Variants in OR6N1 observed in about 807,000 individuals in gnomAD.
OR6N1 encodes the protein olfactory receptor 6N1.
For missense variants in OR6N1, 394 were observed against 371.7 expected, an observed-to-expected ratio of 1.06 and a Z score of -0.49; for synonymous variants, 170 against 150.7, an observed-to-expected ratio of 1.13 and a Z score of -0.94.
chr1:158,814,672 C>T, the OR6N1 span, among the ~76,000 whole-genome samples: 43 of 152,140 alleles, frequency 2.8e-4, no homozygotes, highest in Admixed American at 5.2e-4. Flanking sequence ...GCACTAATCT[C>T]ATTCATAAGG....
the OR6N1 span, among the ~76,000 whole-genome samples, chr1:158,825,011 G>T: frequency 1.2e-4 from 18 of 152,284 alleles, no homozygotes; most frequent in South Asian, 8.3e-4. Context: ...AAAAGAAACT[G>T]TCAACAGAGT....
the OR6N1 span, among the ~76,000 whole-genome samples, chr1:158,840,206 T>A: frequency 6.6e-6 from 1 of 152,152 alleles, no homozygotes; most frequent in South Asian, 2.1e-4. Flanking sequence ...TAAAGTGAGA[T>A]GAATAAGGAA....
At chr1:158,777,779 T>C in the OR6N1 span, 1 of 597,206 alleles carries the variant, frequency 1.7e-6, no homozygotes, top group Admixed American at 3.1e-5. Flanking sequence ...ACTATTACTA[T>C]TACTGTAAAA....
the OR6N1 span, among the ~76,000 whole-genome samples, chr1:158,795,460 T>A: frequency 6.6e-6 from 1 of 152,278 alleles, no homozygotes; most frequent in East Asian, 1.9e-4. Context: ...GGTTCACCCC[T>A]ACTCAGATTA....
At chr1:158,819,529 A>T in the OR6N1 span, among the ~76,000 whole-genome samples, 5 of 152,194 alleles carry the variant, frequency 3.3e-5, no homozygotes, top group African/African-American at 1.2e-4. Flanking sequence ...AAAAGCATCA[A>T]GAGAAGCAGG....
the OR6N1 span, among the ~76,000 whole-genome samples, chr1:158,807,442 G>A: frequency 1.3e-5 from 2 of 152,140 alleles, no homozygotes; most frequent in Non-Finnish European, 2.9e-5. Context: ...ACTCTAGCAG[G>A]TACTTGGCCC....
Position 158,766,356 on chromosome 1 carries a change from C to A in OR6N1, c.327G>T (p.Ala109=), listed in dbSNP as rs200953910. ...LQIYFFHSLG[A]TECYLLTAMA... ...TAGCTGTCAGGAGATAGCACTCAGT[C>A]GCTCCAAGGGAGTGAAAGAAATAGA... The change falls in exon 2 of 2, where the codon GCG becomes GCT. Residue 109 remains alanine (A), a synonymous_variant. Transcript: ENST00000641846. 2.5e-6 allele frequency: 4 copies of A among 1,613,874 alleles called. No homozygotes were observed. The African/African-American group carries it at 4.0e-5, about 16-fold the overall frequency.
upstream of OR6N1, among the ~76,000 whole-genome samples, chr1:158,772,606 G>A (rs1022446898): frequency 2.0e-5 from 3 of 152,080 alleles, no homozygotes; most frequent in Non-Finnish European, 2.9e-5. Flanking sequence ...GAGACACTGG[G>A]GACATAAATA....
chr1:158,817,319 C>T, the OR6N1 span, among the ~76,000 whole-genome samples: 1 of 152,182 alleles, frequency 6.6e-6, no homozygotes, highest in Non-Finnish European at 1.5e-5. Context: ...TGTCTTTTGG[C>T]AGGTCACGTT....
At chr1:158,789,907 TGC>T in the OR6N1 span, among the ~76,000 whole-genome samples, 1 of 152,228 alleles carries the variant, frequency 6.6e-6, no homozygotes, top group East Asian at 1.9e-4. Context: ...CAAAAATCTT[TGC>T]CCAGGCCAAT....
the OR6N1 span, among the ~76,000 whole-genome samples, chr1:158,827,405 C>G: frequency 6.6e-6 from 1 of 152,126 alleles, no homozygotes; most frequent in Non-Finnish European, 1.5e-5. Flanking sequence ...GACTTAGTCT[C>G]CCTGATTGAC....
chr1:158,819,903 C>A, the OR6N1 span, among the ~76,000 whole-genome samples: 3 of 152,128 alleles, frequency 2.0e-5, no homozygotes, highest in African/African-American at 7.2e-5. Flanking sequence ...CCTAACCCAG[C>A]AGCACTAGAG....
the OR6N1 span, among the ~76,000 whole-genome samples, chr1:158,829,970 T>C: frequency 6.6e-6 from 1 of 152,172 alleles, no homozygotes; most frequent in Non-Finnish European, 1.5e-5. Context: ...ATGAGACCCA[T>C]TTACTATCAT....
At chr1:158,837,105 G>T in the OR6N1 span, among the ~76,000 whole-genome samples, 1 of 151,648 alleles carries the variant, frequency 6.6e-6, no homozygotes, top group Non-Finnish European at 1.5e-5. Flanking sequence ...CACTTGTTTG[G>T]CATCCTAATT....
chr1:158,825,514 T>A, the OR6N1 span, among the ~76,000 whole-genome samples: 1 of 149,676 alleles, frequency 6.7e-6, no homozygotes, highest in Non-Finnish European at 1.5e-5. Flanking sequence ...AACAAGCATA[T>A]GAAAAAAAAA....
chr1:158,807,613 G>A, the OR6N1 span, among the ~76,000 whole-genome samples: 1 of 152,170 alleles, frequency 6.6e-6, no homozygotes, highest in African/African-American at 2.4e-5. Context: ...GCCACAAATA[G>A]ATAAGCATTC....
chr1:158,766,219 C>A lies in OR6N1; in HGVS notation c.464G>T (p.Gly155Val). The change falls in exon 2 of 2, where the codon GGG becomes GTG. Residue 155 changes from glycine (G) to valine (V), a missense_variant. Transcript: ENST00000641846. ...AATCAAGGAAATTTCAACTACTGGC[C>A]CAGCCAAGCCTCCCAACCAACAGCC... Reference protein sequence around the residue: ...AIGCWLGGLAGPVVEISLISR... With the variant: ...AIGCWLGGLAVPVVEISLISR... 1 of 1,614,048 alleles carries A rather than the reference C, an allele frequency of 6.2e-7. No homozygotes were observed. The highest frequency in any genetic ancestry group is 8.5e-7 in the Non-Finnish European group (1 of 1,179,998).
the OR6N1 span, among the ~76,000 whole-genome samples, chr1:158,823,517 C>T: frequency 6.6e-6 from 1 of 152,010 alleles, no homozygotes; most frequent in African/African-American, 2.4e-5. Flanking sequence ...ATAGTAGTCT[C>T]TAAGGATTTT....
the OR6N1 span, among the ~76,000 whole-genome samples, chr1:158,816,038 G>T: frequency 2.0e-5 from 3 of 151,882 alleles, no homozygotes; most frequent in Admixed American, 2.0e-4. Flanking sequence ...GGCACCTAAA[G>T]TCCCAGCTAC....
Sources: gnomAD v4.1 joint callset for allele counts (sites outside exome capture counted in the v4.1 genomes callset) on GRCh38, gnomAD v4.1.1 for gene constraint, MANE v1.5 for transcripts, NCBI Gene and HGNC (gene_info 2026-07-23, HGNC 2026-07-21) for gene names.